Variants in PDZD2 observed in about 807,000 individuals in gnomAD.
The protein encoded by PDZD2 is PDZ domain containing 2.
Under a neutral mutation model 220.7 loss-of-function variants are expected in PDZD2, and 90 were observed. That is an observed-to-expected ratio of 0.41 (90% confidence interval 0.34 to 0.49). The LOEUF is 0.49. PDZD2 is among the 20% of genes least tolerant of loss of function. The probability of loss-of-function intolerance (pLI) is 0.28; values close to 1 mark genes in which losing one functional copy is unlikely to be tolerated. For missense variants in PDZD2, 3,174 were observed against 3,608.5 expected, an observed-to-expected ratio of 0.88 and a Z score of 3.08; for synonymous variants, 1,375 against 1,450.5, an observed-to-expected ratio of 0.95 and a Z score of 1.18.
At chr5:31,969,531 A>AAAAAAAAAAAAAAAAAAAAAAC (rs1749095050) in intron 2 of PDZD2, among the ~76,000 whole-genome samples, 3 of 145,540 alleles carry the variant, frequency 2.1e-5, no homozygotes, top group Non-Finnish European at 3.0e-5. Context: ...AAAAAAAAAA[A>AAAAAAAAAAAAAAAAAAAAAAC]AAAACAATGG....
intron 1 of PDZD2, among the ~76,000 whole-genome samples, chr5:31,750,209 T>C (rs898580844): frequency 6.6e-6 from 1 of 152,128 alleles, no homozygotes; most frequent in Non-Finnish European, 1.5e-5. Context: ...TCATGGCTTT[T>C]CTCCACTTGA....
chr5:32,095,295 G>A (rs1028511388), intron 21 of PDZD2, among the ~76,000 whole-genome samples: 5 of 152,178 alleles, frequency 3.3e-5, no homozygotes, highest in Non-Finnish European at 7.3e-5. Context: ...ATCAGAACAC[G>A]GCGTTCTTTT....
intron 1 of PDZD2, among the ~76,000 whole-genome samples, chr5:31,775,180 T>C (rs1192295789): frequency 6.6e-6 from 1 of 152,208 alleles, no homozygotes; most frequent in African/African-American, 2.4e-5. Flanking sequence ...AAATTACTTA[T>C]TTGAGTCAAA....
At chr5:31,728,831 C>T (rs878964950) in intron 1 of PDZD2, among the ~76,000 whole-genome samples, 5 of 152,116 alleles carry the variant, frequency 3.3e-5, no homozygotes, top group African/African-American at 1.2e-4. Context: ...ACCTATTATG[C>T]AATGTGCATC....
chr5:32,014,206 G>C (rs1313249169), intron 6 of PDZD2, among the ~76,000 whole-genome samples: 1 of 152,122 alleles, frequency 6.6e-6, no homozygotes, highest in African/African-American at 2.4e-5. Flanking sequence ...GAAACCTGCC[G>C]CCAAATTCTA....
At chr5:31,783,310 G>T (rs1169157207) in intron 1 of PDZD2, among the ~76,000 whole-genome samples, 1 of 152,044 alleles carries the variant, frequency 6.6e-6, no homozygotes, top group Non-Finnish European at 1.5e-5. Flanking sequence ...TGGGTGGAAG[G>T]TGTCATGGAG....
At chr5:31,827,226 T>A (rs1756283708) in intron 2 of PDZD2, among the ~76,000 whole-genome samples, 1 of 152,236 alleles carries the variant, frequency 6.6e-6, no homozygotes, top group South Asian at 2.1e-4. Context: ...GACCACCTAC[T>A]GTTTCAGCTC....
intron 16 of PDZD2, 82 bp from the exon 17 acceptor site, chr5:32,072,079 T>C (rs1052726441): frequency 1.5e-5 from 15 of 978,744 alleles, no homozygotes; most frequent in Non-Finnish European, 2.2e-5. Context: ...CGAAGTGTTC[T>C]TGGAAAGATA....
intron 2 of PDZD2, among the ~76,000 whole-genome samples, chr5:31,822,286 T>C (rs1202173526): frequency 6.8e-6 from 1 of 147,768 alleles, no homozygotes; most frequent in East Asian, 2.0e-4. Flanking sequence ...TTTTTTTTTT[T>C]TTTTTTTTGA....
intron 1 of PDZD2, among the ~76,000 whole-genome samples, chr5:31,795,273 G>A (rs1561465341): frequency 6.6e-6 from 1 of 152,114 alleles, no homozygotes; most frequent in Non-Finnish European, 1.5e-5. Context: ...CCCCTTGTGA[G>A]TAAAGTCACC....
rs527943608 is a variant in PDZD2, at chr5:32,070,468, G to T, written c.2533+818G>T. ...TCTCATAATCCCAGCATTTCCACTT[G>T]ATCATTTATAAAGAGTTTATTAAGC... On this transcript the variant is annotated intron_variant, in intron 15 of 24. Coordinates refer to ENST00000438447, the MANE Select transcript of PDZD2 (RefSeq NM_178140.4). Among the ~76,000 whole-genome samples, 147 of 152,264 alleles carry T rather than the reference G, an allele frequency of 9.7e-4. 1 individual carries two copies. Among genetic ancestry groups the T allele is most frequent in the East Asian group, 5.8e-4 (3 of 5,188 alleles).
intron 1 of PDZD2, among the ~76,000 whole-genome samples, chr5:31,667,235 CAAA>C (rs3031718): frequency 7.6e-5 from 4 of 52,854 alleles, no homozygotes; most frequent in South Asian, 2.2e-3. Context: ...GACTCCGTCT[CAAA>C]AAAAAAAAAA....
intron 2 of PDZD2, among the ~76,000 whole-genome samples, chr5:31,857,859 C>T (rs1199250496): frequency 2.0e-5 from 3 of 152,002 alleles, no homozygotes; most frequent in Non-Finnish European, 2.9e-5. Context: ...GATGGAGTCT[C>T]GTTGTCACCC....
chr5:32,097,805 G>A (rs759680071), intron 22 of PDZD2, among the ~76,000 whole-genome samples: 2 of 152,128 alleles, frequency 1.3e-5, no homozygotes, highest in African/African-American at 4.8e-5. Context: ...ATTCATCTTC[G>A]TATTCCCATT....
chr5:31,865,777 G>A (rs1467526142), intron 2 of PDZD2, among the ~76,000 whole-genome samples: 5 of 150,470 alleles, frequency 3.3e-5, no homozygotes, highest in Admixed American at 1.3e-4. Context: ...GATTACAGGC[G>A]CCCACCACCA....
At chr5:32,061,762 A>C (rs1739708775) in intron 14 of PDZD2, among the ~76,000 whole-genome samples, 1 of 152,190 alleles carries the variant, frequency 6.6e-6, no homozygotes, top group Non-Finnish European at 1.5e-5. Flanking sequence ...TTTTTAAATA[A>C]GAAATAAAAA....
intron 1 of PDZD2, among the ~76,000 whole-genome samples, chr5:31,792,621 T>C (rs139033950): frequency 0.014 from 2,115 of 152,082 alleles, 23 homozygotes; most frequent in Non-Finnish European, 0.021. Context: ...TTTCACCGTG[T>C]TGCCCAGGCT....
At chr5:31,949,331 G>A (rs569276289) in intron 2 of PDZD2, among the ~76,000 whole-genome samples, 1 of 152,062 alleles carries the variant, frequency 6.6e-6, no homozygotes, top group Non-Finnish European at 1.5e-5. Flanking sequence ...TCAAACCCCA[G>A]TTCCCCAAAT....
chr5:31,925,110 C>T (rs12659322), intron 2 of PDZD2, among the ~76,000 whole-genome samples: 1 of 152,066 alleles, frequency 6.6e-6, no homozygotes, highest in East Asian at 1.9e-4. Flanking sequence ...GGCAGGAGGG[C>T]CTAAGGGGCT....
Sources: allele counts gnomAD v4.1 joint callset (sites outside exome capture counted in the v4.1 genomes callset), GRCh38; gene constraint gnomAD v4.1.1; transcripts MANE v1.5; gene names NCBI Gene and HGNC (gene_info 2026-07-23, HGNC 2026-07-21).